Variants in WDR64 observed in about 807,000 individuals in gnomAD.
WDR64 encodes the protein WD repeat domain 64, also known as WD repeat-containing protein 64.
In WDR64, 112 loss-of-function variants were observed where a neutral mutation model predicts 139.3. The observed-to-expected ratio is 0.80, with a 90% CI of 0.69 to 0.94. The LOEUF (loss-of-function observed/expected upper bound fraction) is 0.94. Ranked by LOEUF, WDR64 falls within the 40% of genes least tolerant of loss-of-function variation. The probability of loss-of-function intolerance (pLI) is 0.00; values close to 1 mark genes in which losing one functional copy is unlikely to be tolerated. For missense variants in WDR64, 1,206 were observed against 1,293.1 expected (o/e 0.93, Z 1.03); for synonymous variants, 444 against 437.7 (o/e 1.01, Z -0.18).
chr1:241,713,399 G>A lies in WDR64; in HGVS notation c.1054+1518G>A, dbSNP rs544956278. Among the ~76,000 whole-genome samples, 31 of 133,044 alleles carry A rather than the reference G, an allele frequency of 2.3e-4. No homozygotes were observed. The East Asian group carries it at 5.3e-3, about 23-fold the overall frequency. The allele number at this position is 133,044 out of a possible 152,430, so 87.3% of individuals were successfully genotyped here. On this transcript the variant is annotated intron_variant, in intron 9 of 27. Coordinates refer to ENST00000437684, the MANE Select transcript of WDR64 (RefSeq NM_001367482.1). ...AGGGAAGGAAAGGAAGGAAGGAAGGGAGGGAGGGAGGAAGGGAAGGAAGGG... is the reference window on the plus strand; with the variant it reads ...AGGGAAGGAAAGGAAGGAAGGAAGGAAGGGAGGGAGGAAGGGAAGGAAGGG...
At chr1:241,715,363 C>T (rs1422301470) in intron 9 of WDR64, among the ~76,000 whole-genome samples, 2 of 152,164 alleles carry the variant, frequency 1.3e-5, no homozygotes, top group East Asian at 3.8e-4. Context: ...CTGCTTGATC[C>T]CCATTGCTCC....
intron 23 of WDR64, 115 bp downstream of exon 23, chr1:241,783,496 A>T: frequency 1.4e-6 from 1 of 725,918 alleles, no homozygotes; most frequent in Non-Finnish European, 2.2e-6. Flanking sequence ...ACTGATTTAA[A>T]TAAATAAGTA....
chr1:241,790,554 T>C, intron 24 of WDR64, 37 bp from the exon 25 acceptor site: 2 of 1,497,228 alleles, frequency 1.3e-6, no homozygotes, highest in Non-Finnish European at 1.8e-6. Flanking sequence ...GAATAAAAGG[T>C]ATGGGTATGT....
chr1:241,744,430 T>C lies in WDR64; in HGVS notation c.1508T>C (p.Ile503Thr). 1 of 1,614,130 alleles carries C rather than the reference T, an allele frequency of 6.2e-7. No individual in the cohort carries two copies. Among genetic ancestry groups the C allele is most frequent in the Non-Finnish European group, 8.5e-7 (1 of 1,179,990 alleles). ...ELETGLQVYQ[I>T]LEPHGFNTEV... ...GAGACTGGGCTCCAAGTATACCAGATTTTAGAACCTCATGGTTTCAATACT... is the reference window on the plus strand; with the variant it reads ...GAGACTGGGCTCCAAGTATACCAGACTTTAGAACCTCATGGTTTCAATACT... Residue 503 changes from isoleucine to threonine, a missense_variant, in exon 13 of 28, where the codon ATT becomes ACT. By Grantham distance (89) the Ile-to-Thr change is moderately conservative (BLOSUM62 -1). Coordinates refer to ENST00000437684, the MANE Select transcript of WDR64 (RefSeq NM_001367482.1).
In WDR64 at chr1:241,796,346, G is replaced by T; in HGVS notation, c.3168G>T (p.Lys1056Asn). Residue 1056 changes from lysine (K) to asparagine (N), a missense_variant, in exon 27 of 28, where the codon AAG becomes AAT. Transcript: ENST00000437684. ...CAGATGGCATTACAGGAAAGAAGAA[G>T]GGAGGTCATGTTCAACGTGAAAAAG... Reference protein sequence around the residue: ...DSSDGITGKKKGGHVQREKAP... With the variant: ...DSSDGITGKKNGGHVQREKAP... 1 of 1,613,452 alleles carries T rather than the reference G, an allele frequency of 6.2e-7. No homozygotes were observed. The highest frequency in any genetic ancestry group is 8.5e-7 in the Non-Finnish European group (1 of 1,179,592).
At chr1:241,698,830 G>A (rs941642055) in intron 8 of WDR64, among the ~76,000 whole-genome samples, 8 of 152,026 alleles carry the variant, frequency 5.3e-5, no homozygotes, top group East Asian at 3.8e-4. Flanking sequence ...CCATTCTCCC[G>A]CTGCTACAAG....
rs1012293904 is a variant in WDR64 at position 241,772,806 on chromosome 1, G to T, written c.2305G>T (p.Val769Leu). The change falls in exon 20 of 28, where the codon GTA becomes TTA. Residue 769 changes from valine to leucine, a missense_variant. By Grantham distance (32) the Val-to-Leu change is conservative. Transcript: ENST00000437684. ...TTCTCGAATAGGTGAACAAACAGAT[G>T]TAATGGTGGGAAAGCAACAGCCAAT... ...DSEVKGEQTDVMVGKQQPMDK... is the reference protein window; with the variant it reads ...DSEVKGEQTDLMVGKQQPMDK... The T allele has an allele frequency of 6.4e-7, 1 of 1,551,716 alleles. No individual in the cohort carries two copies. The highest frequency in any genetic ancestry group is 1.4e-5 in the African/African-American group (1 of 72,990).
intron 27 of WDR64, among the ~76,000 whole-genome samples, chr1:241,798,425 T>C (rs563414962): frequency 6.6e-6 from 1 of 152,294 alleles, no homozygotes; most frequent in African/African-American, 2.4e-5. Context: ...TGACAAAATC[T>C]GGAAACTGGG....
At chr1:241,728,336 AAAG>A (rs201426581) in intron 10 of WDR64, among the ~76,000 whole-genome samples, 5,327 of 123,622 alleles carry the variant, frequency 0.043, 325 homozygotes, top group African/African-American at 0.15. Context: ...CAGTCTCAGA[AAAG>A]AAGAAGAAGA....
chr1:241,726,742 G>C (rs967298769), intron 10 of WDR64, among the ~76,000 whole-genome samples: 1 of 151,620 alleles, frequency 6.6e-6, no homozygotes, highest in African/African-American at 2.4e-5. Context: ...AAAACATAAC[G>C]TGTCTATCAT....
At chr1:241,733,789 A>G (rs1048232549) in intron 10 of WDR64, among the ~76,000 whole-genome samples, 1 of 152,010 alleles carries the variant, frequency 6.6e-6, no homozygotes, top group African/African-American at 2.4e-5. Flanking sequence ...AAAGCCACTC[A>G]GTCTCCTTTT....
chr1:241,721,360 G>T (rs190087812), intron 9 of WDR64, among the ~76,000 whole-genome samples: 56 of 151,010 alleles, frequency 3.7e-4, no homozygotes, highest in African/African-American at 1.3e-3. Context: ...TGAATTTTAG[G>T]CTTTTTATAT....
At chr1:241,697,870 G>A (rs1182183920) in intron 8 of WDR64, among the ~76,000 whole-genome samples, 1 of 152,106 alleles carries the variant, frequency 6.6e-6, no homozygotes, top group Non-Finnish European at 1.5e-5. Flanking sequence ...TATTCGCCTG[G>A]TTTCTGGGAA....
rs758659495 is a variant in WDR64 at position 241,687,488 on chromosome 1, G to C, written c.867G>C (p.Trp289Cys). 2.5e-6 allele frequency: 4 copies of C among 1,613,686 alleles called. No individual in the cohort carries two copies. The stretch of plus-strand genomic sequence containing the variant: ...TTAAAAGGAAGCTACATAATGACTG[G>C]GTTATGAAAATTAGATATATTTCAG... ...KSVKRKLHNDWVMKIRYISAL... is the reference protein window; with the variant it reads ...KSVKRKLHNDCVMKIRYISAL... The change falls in exon 8 of 28, where the codon TGG (tryptophan) becomes TGC (cysteine). Residue 289 changes from tryptophan (W) to cysteine (C), a missense_variant. Physicochemically the swap from Trp to Cys is radical, Grantham distance 215. Coordinates refer to ENST00000437684, the MANE Select transcript of WDR64 (RefSeq NM_001367482.1).
intron 12 of WDR64, among the ~76,000 whole-genome samples, chr1:241,742,004 A>C (rs1669565798): frequency 6.6e-6 from 1 of 152,168 alleles, no homozygotes; most frequent in African/African-American, 2.4e-5. Flanking sequence ...TTAAGAAGGA[A>C]GGGGAATAAA....
At chr1:241,660,838 A>C (rs762012099) in intron 2 of WDR64, 178 bp downstream of exon 2, 10 of 641,416 alleles carry the variant, frequency 1.6e-5, no homozygotes, top group Non-Finnish European at 2.4e-5. Context: ...TGGGTAAAGT[A>C]GGTAACTATT....
At chr1:241,800,786 G>A (rs767679976) in intron 27 of WDR64, among the ~76,000 whole-genome samples, 8 of 152,034 alleles carry the variant, frequency 5.3e-5, no homozygotes, top group African/African-American at 1.2e-4. Flanking sequence ...AATTGTGCTC[G>A]CTTCAGCAGC....
rs374895909 is a variant in WDR64, at chr1:241,726,267, ATT to A, written c.1194+2835_1194+2836del. Among the ~76,000 whole-genome samples, 6 of 149,602 alleles carry A rather than the reference ATT, an allele frequency of 4.0e-5. No homozygotes were observed. The South Asian group carries it at 8.4e-4, about 21-fold the overall frequency. On this transcript the variant is annotated intron_variant, in intron 10 of 27. Coordinates refer to ENST00000437684, the MANE Select transcript of WDR64 (RefSeq NM_001367482.1). The stretch of plus-strand genomic sequence containing the variant: ...GTTAAAAAATACATTAATAAAATTA[ATT>A]TTTAAAAAAAGAGCAAGGGACTGCA...
At chr1:241,664,152 C>G (rs1191640470) in intron 2 of WDR64, among the ~76,000 whole-genome samples, 1 of 152,218 alleles carries the variant, frequency 6.6e-6, no homozygotes, top group African/African-American at 2.4e-5. Context: ...GATCTAATCT[C>G]TATCACACTT....
Sources: gnomAD v4.1 joint callset for allele counts (sites outside exome capture counted in the v4.1 genomes callset) on GRCh38, gnomAD v4.1.1 for gene constraint, MANE v1.5 for transcripts, NCBI Gene and HGNC (gene_info 2026-07-23, HGNC 2026-07-21) for gene names.